SYT9: variants seen among roughly 807,000 people sequenced by gnomAD.
SYT9 encodes synaptotagmin 9.
Under a neutral mutation model 48.4 loss-of-function variants are expected in SYT9, and 22 were observed. The observed-to-expected ratio is 0.45, with a 90% confidence interval of 0.32 to 0.65. The LOEUF (loss-of-function observed/expected upper bound fraction) is 0.65, where lower values mean the gene tolerates loss of function less well. SYT9 is among the 30% of genes least tolerant of loss of function. SYT9 has a pLI of 0.03. For synonymous variants in SYT9, 265 were observed against 245.0 expected, an observed-to-expected ratio of 1.08 and a Z score of -0.76; for missense variants, 577 against 622.0, an observed-to-expected ratio of 0.93 and a Z score of 0.77.
chr11:7,277,781 T>C (rs1848425084), intron 1 of SYT9, among the ~76,000 whole-genome samples: 1 of 152,202 alleles, frequency 6.6e-6, no homozygotes, highest in African/African-American at 2.4e-5. Flanking sequence ...TTGTTGGAAT[T>C]CATGCCTAGA....
chr11:7,282,459 T>C (rs1848514023), intron 1 of SYT9, among the ~76,000 whole-genome samples: 1 of 152,162 alleles, frequency 6.6e-6, no homozygotes, highest in South Asian at 2.1e-4. Context: ...TAAAATATCC[T>C]TTGCCCAGGT....
chr11:7,333,288 C>A (rs1849574623), intron 3 of SYT9, among the ~76,000 whole-genome samples: 1 of 152,156 alleles, frequency 6.6e-6, no homozygotes, highest in African/African-American at 2.4e-5. Context: ...ATCTTTCCAG[C>A]TCCACACACT....
chr11:7,266,227 A>G (rs567426565), intron 1 of SYT9, among the ~76,000 whole-genome samples: 11 of 152,238 alleles, frequency 7.2e-5, no homozygotes, highest in African/African-American at 2.6e-4. Context: ...CGTGACTGCT[A>G]CTTTAGATTT....
At chr11:7,465,404 G>T (rs1167973462) in intron 6 of SYT9, among the ~76,000 whole-genome samples, 5 of 152,224 alleles carry the variant, frequency 3.3e-5, no homozygotes, top group African/African-American at 1.2e-4. Context: ...TGTCAGAATG[G>T]TTGCTACTCT....
At chr11:7,419,355 G>C (rs1292365572) in intron 5 of SYT9, among the ~76,000 whole-genome samples, 1 of 151,956 alleles carries the variant, frequency 6.6e-6, no homozygotes, top group African/African-American at 2.4e-5. Context: ...GATTTTAATG[G>C]GCAGAGACTC....
intron 3 of SYT9, among the ~76,000 whole-genome samples, chr11:7,379,906 G>T (rs1266486160): frequency 6.6e-6 from 1 of 152,130 alleles, no homozygotes; most frequent in Non-Finnish European, 1.5e-5. Flanking sequence ...GCTAAAAATT[G>T]AGCTACCATA....
chr11:7,304,110 G>A (rs74053706), intron 2 of SYT9, among the ~76,000 whole-genome samples: 6,138 of 152,302 alleles, frequency 0.04, 431 homozygotes, highest in African/African-American at 0.14. Context: ...CTTAAACTCC[G>A]TATCTGTCCA....
intron 3 of SYT9, among the ~76,000 whole-genome samples, chr11:7,357,157 AG>A (rs1292233746): frequency 6.6e-6 from 1 of 152,222 alleles, no homozygotes; most frequent in Non-Finnish European, 1.5e-5. Flanking sequence ...TGAAAAATCA[AG>A]CCATGTTAAG....
At chr11:7,391,521 TCATTGTGGTTTTCATTTG>T (rs1439876140) in intron 3 of SYT9, among the ~76,000 whole-genome samples, 1 of 151,980 alleles carries the variant, frequency 6.6e-6, no homozygotes, top group African/African-American at 2.4e-5. Context: ...AGAGAGTATC[TCATTGTGGTTTTCATTTG>T]CATTGTGGTT....
chr11:7,329,964 G>T (rs946233811), intron 3 of SYT9, among the ~76,000 whole-genome samples: 1 of 152,112 alleles, frequency 6.6e-6, no homozygotes, highest in Non-Finnish European at 1.5e-5. Context: ...GATAACAGGG[G>T]ATAGCGATAT....
chr11:7,365,397 G>C (rs574479113), intron 3 of SYT9, among the ~76,000 whole-genome samples: 1 of 152,116 alleles, frequency 6.6e-6, no homozygotes, highest in Non-Finnish European at 1.5e-5. Context: ...CTGTCTTTAT[G>C]AGTCTAAACT....
At chr11:7,463,793 G>C (rs1464428548) in intron 6 of SYT9, among the ~76,000 whole-genome samples, 5 of 152,162 alleles carry the variant, frequency 3.3e-5, no homozygotes, top group Non-Finnish European at 7.3e-5. Flanking sequence ...CTTAAGAAGG[G>C]GGAGACCAGT....
At chr11:7,336,043 C>G (rs1849625645) in intron 3 of SYT9, among the ~76,000 whole-genome samples, 1 of 152,128 alleles carries the variant, frequency 6.6e-6, no homozygotes, top group Admixed American at 6.5e-5. Context: ...TTCTGACTGG[C>G]ATGAGATGGT....
intron 1 of SYT9, among the ~76,000 whole-genome samples, chr11:7,302,584 A>T (rs1044269369): frequency 3.9e-5 from 6 of 152,208 alleles, no homozygotes; most frequent in African/African-American, 1.4e-4. Context: ...AGTTTCTCGT[A>T]TTTTAAAAAG....
intron 3 of SYT9, among the ~76,000 whole-genome samples, chr11:7,407,039 A>G (rs2134083722): frequency 6.6e-6 from 1 of 151,814 alleles, no homozygotes; most frequent in Middle Eastern, 3.4e-3. Context: ...ACTTTTAATG[A>G]TATTATTTGG....
chr11:7,416,312 G>A (rs1211988307), intron 4 of SYT9, 150 bp downstream of exon 4: 3 of 859,120 alleles, frequency 3.5e-6, no homozygotes, highest in Non-Finnish European at 3.6e-6. Context: ...CCTTGGGCAA[G>A]TCATTTTACC....
At chr11:7,365,523 C>T (rs1327636130) in intron 3 of SYT9, among the ~76,000 whole-genome samples, 1 of 152,112 alleles carries the variant, frequency 6.6e-6, no homozygotes. Context: ...TCTGCAAGGT[C>T]AGGGGACTGT....
At chr11:7,354,653 T>C (rs951710405) in intron 3 of SYT9, among the ~76,000 whole-genome samples, 1 of 152,168 alleles carries the variant, frequency 6.6e-6, no homozygotes. Flanking sequence ...TGTCTGCTGA[T>C]TGTGTGCTTC....
chr11:7,427,064 C>T (rs202107714), intron 6 of SYT9, among the ~76,000 whole-genome samples: 6 of 150,720 alleles, frequency 4.0e-5, no homozygotes, highest in Non-Finnish European at 7.4e-5. Context: ...ATCTCTGTTA[C>T]GTAGGTATTG....
Sources: allele counts gnomAD v4.1 joint callset (sites outside exome capture counted in the v4.1 genomes callset), GRCh38; gene constraint gnomAD v4.1.1; transcripts MANE v1.5; gene names NCBI Gene and HGNC (gene_info 2026-07-23, HGNC 2026-07-21).